Variants in LRMDA observed in about 807,000 individuals in gnomAD.
LRMDA encodes the protein leucine rich melanocyte differentiation associated, also known as leucine-rich melanocyte differentiation-associated protein.
In LRMDA, 18 loss-of-function variants were observed where a neutral mutation model predicts 29.8. That is an observed-to-expected ratio of 0.60 (90% confidence interval 0.42 to 0.90). The LOEUF is 0.90. LRMDA is among the 40% of genes least tolerant of loss of function. The pLI is 0.00. For missense variants in LRMDA, 273 were observed against 273.9 expected (o/e 1.00, Z 0.02); for synonymous variants, 125 against 109.4 (o/e 1.14, Z -0.89).
intron 2 of LRMDA, among the ~76,000 whole-genome samples, chr10:75,509,594 C>CAGAGAGGTGGGTTGTCT (rs1160580524): frequency 6.6e-6 from 1 of 152,152 alleles, no homozygotes; most frequent in Admixed American, 6.5e-5. Context: ...CACTGAGCCC[C>CAGAGAGGTGGGTTGTCT]AGAGAGGTGG....
intron 4 of LRMDA, among the ~76,000 whole-genome samples, chr10:76,053,630 C>T (rs1262314644): frequency 6.6e-6 from 1 of 152,144 alleles, no homozygotes; most frequent in Non-Finnish European, 1.5e-5. Flanking sequence ...GCAGGAAGCC[C>T]ACTGACTTAT....
intron 6 of LRMDA, among the ~76,000 whole-genome samples, chr10:76,475,684 A>G (rs1324549039): frequency 2.0e-5 from 3 of 152,168 alleles, no homozygotes; most frequent in Non-Finnish European, 4.4e-5. Context: ...AAGAACAGAA[A>G]TTATAACAAC....
intron 6 of LRMDA, among the ~76,000 whole-genome samples, chr10:76,547,021 G>T (rs891527201): frequency 6.6e-6 from 1 of 152,132 alleles, no homozygotes; most frequent in African/African-American, 2.4e-5. Context: ...TACCCTGAGA[G>T]GGAAGACAAT....
chr10:76,379,983 A>G (rs1841569621), intron 6 of LRMDA, among the ~76,000 whole-genome samples: 1 of 152,228 alleles, frequency 6.6e-6, no homozygotes, highest in South Asian at 2.1e-4. Context: ...ATCATTCAGA[A>G]GCAAGTTGTT....
intron 5 of LRMDA, among the ~76,000 whole-genome samples, chr10:76,163,661 T>G (rs1392641292): frequency 6.6e-6 from 1 of 152,184 alleles, no homozygotes; most frequent in African/African-American, 2.4e-5. Context: ...ATCAGGAAGA[T>G]GCATTTTAAT....
intron 6 of LRMDA, among the ~76,000 whole-genome samples, chr10:76,450,689 T>C (rs1842397273): frequency 6.6e-6 from 1 of 152,176 alleles, no homozygotes; most frequent in African/African-American, 2.4e-5. Context: ...ATTGTTTCAG[T>C]TTTACTTCTG....
intron 6 of LRMDA, among the ~76,000 whole-genome samples, chr10:76,476,216 A>G (rs1253248630): frequency 6.6e-6 from 1 of 152,292 alleles, no homozygotes; most frequent in African/African-American, 2.4e-5. Context: ...GACAAAGGGG[A>G]TATCACCACC....
intron 2 of LRMDA, among the ~76,000 whole-genome samples, chr10:75,833,137 C>A (rs1159706160): frequency 1.3e-5 from 2 of 152,136 alleles, no homozygotes; most frequent in Admixed American, 1.3e-4. Flanking sequence ...AATCTCCCAG[C>A]CAGCCCCTTG....
chr10:75,783,060 T>C (rs762442859), intron 2 of LRMDA: 1 of 1,612,956 alleles, frequency 6.2e-7, no homozygotes, highest in Non-Finnish European at 8.5e-7. Context: ...GAGTCGGTCT[T>C]TTCTGTCAGC....
chr10:76,158,263 A>G (rs902150401), intron 5 of LRMDA, among the ~76,000 whole-genome samples: 4 of 151,528 alleles, frequency 2.6e-5, no homozygotes, highest in African/African-American at 7.3e-5. Flanking sequence ...TCCTTTTCCT[A>G]CCCCCTTTGC....
intron 2 of LRMDA, among the ~76,000 whole-genome samples, chr10:75,660,997 G>A (rs777044143): frequency 7.9e-5 from 12 of 152,136 alleles, no homozygotes; most frequent in Non-Finnish European, 1.6e-4. Flanking sequence ...CACAATCAAC[G>A]CCAGCGGGAC....
rs549898598 is a variant in LRMDA at position 76,391,871 on chromosome 10, T to C, written c.601+67386T>C. Among the ~76,000 whole-genome samples the C allele has an allele frequency of 5.9e-5, 9 of 152,312 alleles. No individual in the cohort carries two copies. In the South Asian group the frequency reaches 1.9e-3, roughly 32 times the overall value. ...CCTTATTTAAGGTAACTGTTCTTAG[T>C]CTACTTTGAAGTCTATGCAAATTAT... On this transcript the variant is annotated intron_variant, in intron 6 of 6. Transcript: ENST00000611255.
chr10:75,791,538 G>A (rs1157257042), intron 2 of LRMDA, among the ~76,000 whole-genome samples: 7 of 152,158 alleles, frequency 4.6e-5, no homozygotes, highest in African/African-American at 1.7e-4. Context: ...TTATGTGAGG[G>A]AGAAAAACTT....
In LRMDA at chr10:76,157,926, G is replaced by C. The variant is rs117196362; in HGVS notation, c.516+99143G>C. ...CTGCAAACCTGTACAGCATGTTCCT[G>C]TACAGAATACTGTAGGCAGTTGTAA... On this transcript the variant is annotated intron_variant, in intron 5 of 6. Coordinates refer to ENST00000611255, the MANE Select transcript of LRMDA (RefSeq NM_001305581.2). Among the ~76,000 whole-genome samples, 11 of 152,148 alleles carry C rather than the reference G, an allele frequency of 7.2e-5. No individual in the cohort carries two copies. In the East Asian group the frequency reaches 2.1e-3, roughly 29 times the overall value.
chr10:76,283,907 C>T (rs1221975326), intron 5 of LRMDA, among the ~76,000 whole-genome samples: 3 of 152,150 alleles, frequency 2.0e-5, no homozygotes, highest in African/African-American at 7.2e-5. Context: ...TTCAAGTGAT[C>T]TGCCAGCCTC....
chr10:75,975,088 G>T (rs1847047100), intron 2 of LRMDA, among the ~76,000 whole-genome samples: 1 of 152,220 alleles, frequency 6.6e-6, no homozygotes, highest in Admixed American at 6.5e-5. Context: ...CTTAGGTCAG[G>T]CATTGTACTA....
At chr10:75,858,688 A>G (rs927767456) in intron 2 of LRMDA, among the ~76,000 whole-genome samples, 11 of 152,240 alleles carry the variant, frequency 7.2e-5, no homozygotes, top group African/African-American at 2.6e-4. Flanking sequence ...TGTTCTATAA[A>G]TTTCTGAAAA....
intron 6 of LRMDA, chr10:76,535,887 C>T (rs1843285820): frequency 6.8e-6 from 1 of 147,762 alleles, no homozygotes; most frequent in Non-Finnish European, 1.5e-5. Context: ...AAGCGATTCT[C>T]CTGTCTCAGC....
intron 2 of LRMDA, among the ~76,000 whole-genome samples, chr10:75,730,193 A>G (rs1001444149): frequency 6.6e-6 from 1 of 152,206 alleles, no homozygotes; most frequent in Non-Finnish European, 1.5e-5. Flanking sequence ...TCTGCCTGAA[A>G]GCACTGTGAC....
Sources: allele counts gnomAD v4.1 joint callset (sites outside exome capture counted in the v4.1 genomes callset), GRCh38; gene constraint gnomAD v4.1.1; transcripts MANE v1.5; gene names NCBI Gene and HGNC (gene_info 2026-07-23, HGNC 2026-07-21).